PCDHA9: variants seen among roughly 807,000 people sequenced by gnomAD.
PCDHA9 encodes protocadherin alpha 9.
Under a neutral mutation model 62.0 loss-of-function variants are expected in PCDHA9, and 62 were observed. The ratio of observed to expected loss-of-function variants is 1.00; its 90% confidence interval spans 0.81 to 1.23. PCDHA9 has a LOEUF of 1.23. Among genes scored for constraint, PCDHA9 ranks in the 50% most tolerant of loss-of-function variants. The probability of loss-of-function intolerance (pLI) is 0.00; values close to 1 mark genes in which losing one functional copy is unlikely to be tolerated. For synonymous variants in PCDHA9, 557 were observed against 567.6 expected (o/e 0.98, Z 0.27); for missense variants, 1,205 against 1,249.8 (o/e 0.96, Z 0.54).
At chr5:140,863,413 T>C (rs1581689381) in intron 1 of PCDHA9, 1 of 735,446 alleles carries the variant, frequency 1.4e-6, no homozygotes, top group Non-Finnish European at 2.3e-6. Flanking sequence ...CACGCTGGTG[T>C]ACCGCAGCGT....
In PCDHA9 at chr5:140,987,930, G is replaced by T. The variant is rs554856826; in HGVS notation, c.2542+5367G>T. Among the ~76,000 whole-genome samples, 18 of 152,196 alleles carry T rather than the reference G, an allele frequency of 1.2e-4. No individual in the cohort carries two copies. The South Asian group carries it at 2.1e-3, about 18-fold the overall frequency. Reference sequence around the variant, plus strand: ...GATTTATATTCTTAATTGTCTCAAGGATTCTTACCTGTCTGACAAAACCAA... The same window carrying T: ...GATTTATATTCTTAATTGTCTCAAGTATTCTTACCTGTCTGACAAAACCAA... On this transcript the variant is annotated intron_variant, in intron 3 of 3. Transcript: ENST00000532602.
intron 1 of PCDHA9, among the ~76,000 whole-genome samples, chr5:140,890,446 T>C (rs1554184296): frequency 6.6e-6 from 1 of 152,228 alleles, no homozygotes; most frequent in Admixed American, 6.5e-5. Context: ...CCTAGTGATA[T>C]CTTTAGGCAC....
intron 1 of PCDHA9, chr5:140,928,805 T>C (rs1554206331): frequency 6.2e-7 from 1 of 1,614,162 alleles, no homozygotes. Context: ...GTGGTAGTGG[T>C]TCGGGACCAT....
chr5:140,910,661 A>G (rs1289499574), intron 1 of PCDHA9, among the ~76,000 whole-genome samples: 1 of 152,186 alleles, frequency 6.6e-6, no homozygotes, highest in Non-Finnish European at 1.5e-5. Context: ...CTTCCTCTAC[A>G]TTAAACCAAG....
At chr5:140,881,388 G>A (rs2058697659) in intron 1 of PCDHA9, 1 of 983,292 alleles carries the variant, frequency 1.0e-6, no homozygotes, top group Non-Finnish European at 1.2e-6. Context: ...GCGGCGGTAA[G>A]TTAAATTCTA....
intron 1 of PCDHA9, chr5:140,856,811 G>A: frequency 3.8e-6 from 6 of 1,594,886 alleles, no homozygotes; most frequent in Non-Finnish European, 5.2e-6. Flanking sequence ...TGAAAATCAA[G>A]TGAACCAAAC....
intron 1 of PCDHA9, chr5:140,926,715 G>C (rs114961630): frequency 2.1e-6 from 2 of 952,238 alleles, no homozygotes; most frequent in Non-Finnish European, 1.4e-6. Flanking sequence ...GGCCAGCCCC[G>C]GCAATGCCGG....
chr5:140,879,720 G>C (rs1275273892), intron 1 of PCDHA9, among the ~76,000 whole-genome samples: 1 of 152,212 alleles, frequency 6.6e-6, no homozygotes, highest in Non-Finnish European at 1.5e-5. Flanking sequence ...TTGGAGACCA[G>C]AAGTCCAAAA....
chr5:140,967,935 A>C (rs186453952), intron 1 of PCDHA9: 1 of 1,614,214 alleles, frequency 6.2e-7, no homozygotes, highest in Admixed American at 1.7e-5. Context: ...CTCAGTGTCA[A>C]TGACCAAGAC....
In PCDHA9 at chr5:140,849,923, G is replaced by T. The variant is rs145904051; in HGVS notation, c.1428G>T (p.Thr476=). 160 of 1,598,322 alleles carry T rather than the reference G, an allele frequency of 1.0e-4. 9 individuals carry two copies. The African/African-American group carries it at 1.2e-3, about 12-fold the overall frequency. The change falls in exon 1 of 4, where the codon ACG becomes ACT. Residue 476 remains threonine (T), a synonymous_variant. Transcript: ENST00000532602. ...ENNPPGCHIF[T]VSARDADAQE... is the part of the protein sequence containing the mutation. ...ACCCGCCGGGCTGCCACATCTTCAC[G>T]GTGTCTGCGCGGGACGCTGACGCGC...
intron 1 of PCDHA9, chr5:140,858,776 C>G (rs2045586511): frequency 2.4e-6 from 1 of 420,578 alleles, no homozygotes; most frequent in Admixed American, 4.3e-5. Context: ...GAGATTAGTA[C>G]TTCATGTTAT....
At chr5:140,999,554 G>T (rs2097862771) in intron 3 of PCDHA9, among the ~76,000 whole-genome samples, 1 of 152,158 alleles carries the variant, frequency 6.6e-6, no homozygotes, top group Non-Finnish European at 1.5e-5. Context: ...TGAAGAGGGG[G>T]TATTTTGAGA....
chr5:140,973,556 C>A lies in PCDHA9; in HGVS notation c.2395-5393C>A, dbSNP rs993191449. Among the ~76,000 whole-genome samples the A allele has an allele frequency of 3.9e-5, 6 of 152,336 alleles. 1 individual carries two copies. In the South Asian group the frequency reaches 1.2e-3, roughly 32 times the overall value. ...ATACAATAATTTATTTCAATTACCT[C>A]TTTCCTCAATTTTTCTACAGACTGC... On this transcript the variant is annotated intron_variant, in intron 1 of 3. Coordinates refer to ENST00000532602, the MANE Select transcript of PCDHA9 (RefSeq NM_031857.2).
chr5:140,924,830 G>A (rs1240824600), intron 1 of PCDHA9, among the ~76,000 whole-genome samples: 1 of 151,612 alleles, frequency 6.6e-6, no homozygotes, highest in African/African-American at 2.4e-5. Flanking sequence ...GGGAGGGGGA[G>A]GTTGCAGGGA....
intron 1 of PCDHA9, among the ~76,000 whole-genome samples, chr5:140,960,401 G>C (rs1219932748): frequency 2.0e-5 from 3 of 151,956 alleles, no homozygotes; most frequent in African/African-American, 7.3e-5. Flanking sequence ...TGCAAGGGGG[G>C]GTGCCCAAAA....
chr5:140,868,172 ATC>A (rs1554161787), intron 1 of PCDHA9: 1 of 152,152 alleles, frequency 6.6e-6, no homozygotes. Context: ...AAATTTTGAT[ATC>A]TCATATTATG....
chr5:140,875,318 C>G, intron 1 of PCDHA9: 1 of 1,427,508 alleles, frequency 7.0e-7, no homozygotes, highest in South Asian at 1.6e-5. Flanking sequence ...ACATTCCAAT[C>G]ATTCACGGAA....
intron 1 of PCDHA9, among the ~76,000 whole-genome samples, chr5:140,956,920 T>C (rs2095320734): frequency 1.3e-5 from 2 of 152,120 alleles, no homozygotes; most frequent in Non-Finnish European, 2.9e-5. Flanking sequence ...ACTTTAATCT[T>C]GCTGGATATA....
chr5:140,975,953 T>C (rs1554237158), intron 1 of PCDHA9, among the ~76,000 whole-genome samples: 1 of 152,084 alleles, frequency 6.6e-6, no homozygotes, highest in East Asian at 1.9e-4. Flanking sequence ...CATATTAGAG[T>C]TCTTCACCAA....
Sources: gnomAD v4.1 joint callset for allele counts (sites outside exome capture counted in the v4.1 genomes callset) on GRCh38, gnomAD v4.1.1 for gene constraint, MANE v1.5 for transcripts, NCBI Gene and HGNC (gene_info 2026-07-23, HGNC 2026-07-21) for gene names.